Variants in EML6 observed in about 807,000 individuals in gnomAD.
EML6 encodes echinoderm microtubule-associated protein-like 6.
EML6 carries 154 observed loss-of-function variants against 240.1 expected under a neutral mutation model. The observed-to-expected ratio is 0.64, with a 90% CI of 0.56 to 0.73. EML6 has a LOEUF of 0.73. EML6 is among the 30% of genes least tolerant of loss of function. The pLI is 0.00. For synonymous variants in EML6, 1,148 were observed against 899.0 expected (o/e 1.28, Z -4.95); for missense variants, 2,964 against 2,474.6 (o/e 1.20, Z -4.20).
intron 10 of EML6, among the ~76,000 whole-genome samples, chr2:54,851,685 C>T (rs770284271): frequency 2.6e-5 from 4 of 152,116 alleles, no homozygotes; most frequent in Non-Finnish European, 5.9e-5. Flanking sequence ...AAGTCTTTTG[C>T]TTTATCTGTT....
chr2:54,811,533 T>C (rs149273301), intron 2 of EML6, among the ~76,000 whole-genome samples: 5 of 152,340 alleles, frequency 3.3e-5, no homozygotes, highest in Middle Eastern at 3.4e-3. Context: ...TGATTATTTC[T>C]TTACATGTCT....
At chr2:54,779,470 C>T (rs998319090) in intron 2 of EML6, among the ~76,000 whole-genome samples, 3 of 147,534 alleles carry the variant, frequency 2.0e-5, no homozygotes, top group Admixed American at 1.4e-4. Context: ...CGCTTGAACT[C>T]GGGAGGTGGA....
intron 16 of EML6, among the ~76,000 whole-genome samples, chr2:54,872,925 G>A (rs562672008): frequency 6.6e-6 from 1 of 152,284 alleles, no homozygotes; most frequent in African/African-American, 2.4e-5. Context: ...GGCACTCCAT[G>A]TGGCACACAG....
intron 19 of EML6, among the ~76,000 whole-genome samples, chr2:54,893,215 A>G (rs974105435): frequency 8.5e-5 from 13 of 152,172 alleles, no homozygotes; most frequent in Admixed American, 3.9e-4. Context: ...GTGTCCCTCT[A>G]CAAAGATTAC....
chr2:54,809,460 A>G (rs1209537646), intron 2 of EML6, among the ~76,000 whole-genome samples: 1 of 152,176 alleles, frequency 6.6e-6, no homozygotes, highest in Admixed American at 6.5e-5. Context: ...TCTTTGCATC[A>G]CAGTCCCTCA....
At chr2:54,911,143 T>C (rs1430745184) in intron 25 of EML6, 101 bp downstream of exon 25, 40 of 589,364 alleles carry the variant, frequency 6.8e-5, no homozygotes, top group Non-Finnish European at 1.5e-5. Context: ...GGGTTATATT[T>C]ACTATACCTT....
rs978613457 is a variant in EML6 at position 54,948,775 on chromosome 2, G to T, written c.4005-107G>T. On this transcript the variant is annotated intron_variant, in intron 28 of 41. Transcript: ENST00000356458. ...AGATCCAAGTGGAGGGGCCTTTGAG[G>T]CGGGAGGAGAGAGGAGGCCGGCACT... The T allele has an allele frequency of 5.1e-6, 4 of 790,804 alleles. No individual in the cohort carries two copies. In the African/African-American group the frequency reaches 6.9e-5, roughly 14 times the overall value. The allele number at this position is 790,804 out of a possible 1,614,324, so 49.0% of individuals were successfully genotyped here. A position where few individuals can be genotyped will look rare whatever the true frequency, so the allele number is the denominator to read the frequency against.
intron 28 of EML6, among the ~76,000 whole-genome samples, chr2:54,939,277 T>A (rs1675305222): frequency 6.6e-6 from 1 of 152,242 alleles, no homozygotes; most frequent in African/African-American, 2.4e-5. Flanking sequence ...CTTCTGCCTT[T>A]AGGCAATTCC....
chr2:54,799,394 G>C (rs563396254), intron 2 of EML6, among the ~76,000 whole-genome samples: 6 of 151,500 alleles, frequency 4.0e-5, no homozygotes, highest in African/African-American at 1.5e-4. Flanking sequence ...TGGAGCCTCT[G>C]GTGTGTGGTG....
chr2:54,912,978 T>A (rs1558679524), intron 25 of EML6, among the ~76,000 whole-genome samples: 1 of 151,952 alleles, frequency 6.6e-6, no homozygotes, highest in South Asian at 2.1e-4. Context: ...CTTTGAGAAA[T>A]CTCCAAACTG....
chr2:54,805,500 A>G (rs1670421543), intron 2 of EML6, among the ~76,000 whole-genome samples: 1 of 152,162 alleles, frequency 6.6e-6, no homozygotes, highest in Non-Finnish European at 1.5e-5. Context: ...TGTCCTTAAC[A>G]TTGTTCAAGT....
chr2:54,848,657 T>C (rs1205117610), intron 9 of EML6, among the ~76,000 whole-genome samples: 2 of 152,308 alleles, frequency 1.3e-5, no homozygotes, highest in East Asian at 3.9e-4. Context: ...TTTGCTATTC[T>C]TTATGTATTC....
intron 3 of EML6, among the ~76,000 whole-genome samples, chr2:54,815,701 G>A (rs1034266482): frequency 6.6e-6 from 1 of 152,120 alleles, no homozygotes; most frequent in Non-Finnish European, 1.5e-5. Context: ...AACCCTCAAC[G>A]ATGTGTGTTA....
chr2:54,896,040 G>C (rs1445747581), intron 21 of EML6, among the ~76,000 whole-genome samples: 1 of 152,208 alleles, frequency 6.6e-6, no homozygotes, highest in African/African-American at 2.4e-5. Context: ...GATTATGCAA[G>C]AGTGTGAAAA....
intron 2 of EML6, among the ~76,000 whole-genome samples, chr2:54,792,345 G>A (rs1669498665): frequency 6.6e-6 from 1 of 152,206 alleles, no homozygotes; most frequent in Non-Finnish European, 1.5e-5. Context: ...TCATTATGCA[G>A]ATCTTTGGGG....
intron 2 of EML6, among the ~76,000 whole-genome samples, chr2:54,796,456 G>C (rs1429460769): frequency 6.6e-6 from 1 of 151,508 alleles, no homozygotes; most frequent in African/African-American, 2.4e-5. Context: ...TTTTTGAAGT[G>C]TATTGAGTAA....
chr2:54,857,275 T>G (rs1670436559), intron 11 of EML6, among the ~76,000 whole-genome samples: 1 of 152,070 alleles, frequency 6.6e-6, no homozygotes, highest in Non-Finnish European at 1.5e-5. Context: ...GGCAGTCACG[T>G]TGACAGCACT....
chr2:54,837,598 C>A (rs1309033155), intron 7 of EML6, among the ~76,000 whole-genome samples: 2 of 152,196 alleles, frequency 1.3e-5, no homozygotes, highest in African/African-American at 4.8e-5. Context: ...TTTGGGCTTT[C>A]CGATCCAGTG....
intron 26 of EML6, 69 bp downstream of exon 26, chr2:54,917,004 G>T: frequency 8.0e-7 from 1 of 1,247,374 alleles, no homozygotes; most frequent in South Asian, 1.6e-5. Context: ...GTATCTAAGT[G>T]CATTTTTAAA....
Sources: allele counts gnomAD v4.1 joint callset (sites outside exome capture counted in the v4.1 genomes callset), GRCh38; gene constraint gnomAD v4.1.1; transcripts MANE v1.5; gene names NCBI Gene and HGNC (gene_info 2026-07-23, HGNC 2026-07-21).